The following ELP3 variants were observed in gnomAD, a reference collection of about 807,000 sequenced individuals.
ELP3 encodes elongator acetyltransferase complex subunit 3.
In ELP3, 56 loss-of-function variants were observed where a neutral mutation model predicts 74.9. That is an observed-to-expected ratio of 0.75 (90% CI 0.60 to 0.93). ELP3 has a LOEUF of 0.93. ELP3 is among the 40% of genes least tolerant of loss of function. The pLI, the probability that ELP3 is intolerant of heterozygous loss-of-function variation, is 0.00. For synonymous variants in ELP3, 222 were observed against 239.8 expected (o/e 0.93, Z 0.68); for missense variants, 573 against 686.5 (o/e 0.83, Z 1.85).
At chr8:28,150,176 T>C (rs916068653) in intron 10 of ELP3, among the ~76,000 whole-genome samples, 1 of 152,232 alleles carries the variant, frequency 6.6e-6, no homozygotes, top group Non-Finnish European at 1.5e-5. Context: ...TGTATGTATA[T>C]ACACACACAT....
upstream of ELP3, chr8:28,092,999 C>G: frequency 1.4e-6 from 1 of 714,312 alleles, no homozygotes; most frequent in Non-Finnish European, 2.4e-6. Flanking sequence ...GGGGCAGGAT[C>G]GCAGCCTAGG....
At chr8:28,158,808 A>G (rs1446164418) in intron 12 of ELP3, among the ~76,000 whole-genome samples, 175 bp downstream of exon 12, 1 of 152,168 alleles carries the variant, frequency 6.6e-6, no homozygotes, top group East Asian at 1.9e-4. Context: ...AGAATTCTAG[A>G]AGAGCCAGGT....
At chr8:28,179,411 A>T (rs1017756275) in intron 14 of ELP3, among the ~76,000 whole-genome samples, 2 of 152,194 alleles carry the variant, frequency 1.3e-5, no homozygotes, top group African/African-American at 4.8e-5. Flanking sequence ...TTTTGGTTGT[A>T]TACAAATGTC....
At chr8:28,097,186 G>C (rs372777216) in intron 1 of ELP3, 33 bp from the exon 2 acceptor site, 3 of 1,452,438 alleles carry the variant, frequency 2.1e-6, no homozygotes, top group Non-Finnish European at 2.9e-6. Flanking sequence ...TGAATGATAC[G>C]ATTTTTGACA....
chr8:28,183,963 C>A (rs1434462249), intron 14 of ELP3, among the ~76,000 whole-genome samples: 1 of 152,180 alleles, frequency 6.6e-6, no homozygotes, highest in Non-Finnish European at 1.5e-5. Flanking sequence ...GGGTGGCTGA[C>A]GTCAGCTCTG....
chr8:28,189,080 C>CT (rs1296523864), intron 14 of ELP3, among the ~76,000 whole-genome samples: 1 of 152,366 alleles, frequency 6.6e-6, no homozygotes, highest in East Asian at 1.9e-4. Flanking sequence ...AAAGCTGCTT[C>CT]TTTGACACCA....
chr8:28,161,876 G>T, intron 13 of ELP3, 121 bp from the exon 14 acceptor site: 1 of 839,672 alleles, frequency 1.2e-6, no homozygotes, highest in Non-Finnish European at 1.9e-6. Context: ...CCATAAGTGG[G>T]CTTTTTCACT....
intron 10 of ELP3, among the ~76,000 whole-genome samples, 195 bp from the exon 11 acceptor site, chr8:28,155,747 A>T (rs1337031532): frequency 6.6e-6 from 1 of 152,262 alleles, no homozygotes; most frequent in Non-Finnish European, 1.5e-5. Flanking sequence ...AGGGGAAATC[A>T]TAATTTCCTT....
chr8:28,099,982 C>G lies in ELP3; in HGVS notation c.258+16C>G. 6.2e-7 allele frequency: 1 copy of G among 1,614,036 alleles called. No homozygotes were observed. Among genetic ancestry groups the G allele is most frequent in the Non-Finnish European group, 8.5e-7 (1 of 1,179,984 alleles). ...TGCTAGTGGGGTGAGTGATTCGACT[C>G]ATGAGGTATCGACACACTGGGTATC... On this transcript the variant is annotated intron_variant, in intron 3 of 14. Transcript: ENST00000256398.
At chr8:28,161,630 G>T (rs905849089) in intron 13 of ELP3, among the ~76,000 whole-genome samples, 3 of 144,646 alleles carry the variant, frequency 2.1e-5, no homozygotes, top group Admixed American at 6.8e-5. Context: ...AAAAAAAAAA[G>T]TAGAGAGGTG....
At chr8:28,181,363 A>C (rs537664534) in intron 14 of ELP3, among the ~76,000 whole-genome samples, 1 of 152,164 alleles carries the variant, frequency 6.6e-6, no homozygotes, top group Non-Finnish European at 1.5e-5. Flanking sequence ...GGTGACTGCA[A>C]TTTATCAAGT....
intron 10 of ELP3, among the ~76,000 whole-genome samples, chr8:28,148,966 A>G (rs766072593): frequency 6.6e-6 from 1 of 152,196 alleles, no homozygotes; most frequent in Non-Finnish European, 1.5e-5. Context: ...CAGAGCCCTC[A>G]TGAATGGGGT....
intron 3 of ELP3, among the ~76,000 whole-genome samples, chr8:28,102,512 A>G (rs1811530631): frequency 6.6e-6 from 1 of 152,348 alleles, no homozygotes; most frequent in East Asian, 1.9e-4. Context: ...TGAAAGTATC[A>G]GAAACACACA....
rs141773953 is a variant in ELP3, at chr8:28,120,057, C to T, written c.617+6884C>T. Among the ~76,000 whole-genome samples, 28 of 152,208 alleles carry T rather than the reference C, an allele frequency of 1.8e-4. No individual in the cohort carries two copies. The East Asian group carries it at 4.8e-3, about 26-fold the overall frequency. On this transcript the variant is annotated intron_variant, in intron 7 of 14. Coordinates refer to ENST00000256398, the MANE Select transcript of ELP3 (RefSeq NM_018091.6). ...CCATTATGAATAAAACTTCAGCGTA[C>T]GTTCTTGTGTAAGTCTTTTTGTGGC...
At chr8:28,146,335 T>G (rs1195475925) in intron 10 of ELP3, among the ~76,000 whole-genome samples, 1 of 152,146 alleles carries the variant, frequency 6.6e-6, no homozygotes, top group Non-Finnish European at 1.5e-5. Context: ...AACATTAGAA[T>G]AGGAATACCA....
At chr8:28,139,588 TTACTCCC>T (rs1813142326) in intron 10 of ELP3, among the ~76,000 whole-genome samples, 1 of 152,206 alleles carries the variant, frequency 6.6e-6, no homozygotes, top group Non-Finnish European at 1.5e-5. Context: ...TTTCTTGTCA[TTACTCCC>T]TAAACAATAC....
intron 7 of ELP3, among the ~76,000 whole-genome samples, 183 bp downstream of exon 7, chr8:28,113,356 AAAATAATCCTTTCACTG>A (rs1231052525): frequency 2.4e-5 from 3 of 125,254 alleles, no homozygotes; most frequent in African/African-American, 6.5e-5. Context: ...TTTTCCAGTG[AAAATAATCCTTTCACTG>A]AAATAATCCT....
chr8:28,146,840 G>GA (rs1563272726), intron 10 of ELP3, among the ~76,000 whole-genome samples: 1 of 152,180 alleles, frequency 6.6e-6, no homozygotes, highest in Non-Finnish European at 1.5e-5. Context: ...TACTACCAAA[G>GA]ACCATTGAAT....
intron 2 of ELP3, among the ~76,000 whole-genome samples, chr8:28,098,457 C>T (rs542035187): frequency 3.2e-4 from 48 of 152,288 alleles, no homozygotes; most frequent in Middle Eastern, 3.4e-3. Flanking sequence ...GATTTTTCTA[C>T]CGTGTCTTTA....
Sources: allele counts gnomAD v4.1 joint callset (sites outside exome capture counted in the v4.1 genomes callset), GRCh38; gene constraint gnomAD v4.1.1; transcripts MANE v1.5; gene names NCBI Gene and HGNC (gene_info 2026-07-23, HGNC 2026-07-21).